Variants in PIAS4 observed in about 807,000 individuals in gnomAD.
The protein encoded by PIAS4 is E3 SUMO-protein ligase PIAS4.
PIAS4 carries 7 observed loss-of-function variants against 58.0 expected under a neutral mutation model. The observed-to-expected ratio is 0.12, with a 90% CI of 0.07 to 0.23. The LOEUF is 0.23. Ranked by LOEUF, PIAS4 falls within the 10% of genes least tolerant of loss-of-function variation. The pLI is 1.00. For synonymous variants in PIAS4, 364 were observed against 312.4 expected (o/e 1.17, Z -1.74); for missense variants, 550 against 709.5 (o/e 0.78, Z 2.55).
intron 7 of PIAS4, among the ~76,000 whole-genome samples, chr19:4,031,456 C>T (rs2040221814): frequency 6.6e-6 from 1 of 152,208 alleles, no homozygotes. Flanking sequence ...GACACTGAGG[C>T]ACAGAGTGGC....
intron 7 of PIAS4, among the ~76,000 whole-genome samples, chr19:4,029,321 A>G (rs2040199966): frequency 1.3e-5 from 2 of 152,106 alleles, no homozygotes. Flanking sequence ...GCAGCAGAAG[A>G]GCTGGAGCCT....
Position 4,013,457 on chromosome 19 carries a change from G to A in PIAS4, c.454+108G>A. 3 of 1,027,914 alleles carry A rather than the reference G, an allele frequency of 2.9e-6. No individual in the cohort carries two copies. Among genetic ancestry groups the A allele is most frequent in the Non-Finnish European group, 4.3e-6 (3 of 705,812 alleles). The allele number at this position is 1,027,914 out of a possible 1,614,324, so 63.7% of individuals were successfully genotyped here. A position where few individuals can be genotyped will look rare whatever the true frequency, so the allele number is the denominator to read the frequency against. Reference sequence around the variant, plus strand: ...TTCGAGTGATGTTCTCTGTGGCGCAGCCAGGGCGGGGAGCCACAGTGGCCA... The same window carrying A: ...TTCGAGTGATGTTCTCTGTGGCGCAACCAGGGCGGGGAGCCACAGTGGCCA... On this transcript the variant is annotated intron_variant, in intron 2 of 10. Transcript: ENST00000262971. This position sits in a 1 kb window ranked among gnomAD's most constrained non-coding sequence, Gnocchi z 5.1.
intron 2 of PIAS4, among the ~76,000 whole-genome samples, chr19:4,022,310 T>C (rs1027604008): frequency 6.6e-6 from 1 of 152,154 alleles, no homozygotes; most frequent in Non-Finnish European, 1.5e-5. Context: ...TGTCTTTTTG[T>C]TGTTCAGCTA....
At chr19:4,016,316 G>A (rs967828276) in intron 2 of PIAS4, among the ~76,000 whole-genome samples, 2 of 152,224 alleles carry the variant, frequency 1.3e-5, no homozygotes, top group African/African-American at 4.8e-5. Flanking sequence ...CGGGCACCCC[G>A]AGGAATCTGC....
chr19:4,034,829 G>T (rs2040258911), intron 9 of PIAS4, among the ~76,000 whole-genome samples: 1 of 152,146 alleles, frequency 6.6e-6, no homozygotes, highest in Non-Finnish European at 1.5e-5. Context: ...TGGAGGAGGG[G>T]TCCTTGGTTC....
In PIAS4 at chr19:4,033,094, C is replaced by A. The variant is rs759487716; in HGVS notation, c.908-6C>A. ...CCTGACGGTGTCTTCCGTTCCCTCCCCACAGTCAAGGAGAAGCTGCGCCTT... is the reference window on the plus strand; with the variant it reads ...CCTGACGGTGTCTTCCGTTCCCTCCACACAGTCAAGGAGAAGCTGCGCCTT... On this transcript the variant is annotated splice_region_variant and splice_polypyrimidine_tract_variant and intron_variant, in intron 7 of 10. Coordinates refer to ENST00000262971, the MANE Select transcript of PIAS4 (RefSeq NM_015897.4). 3.7e-6 allele frequency: 6 copies of A among 1,610,908 alleles called. No homozygotes were observed. The South Asian group carries it at 4.4e-5, about 12-fold the overall frequency.
At chr19:4,034,190 G>T (rs962702005) in intron 9 of PIAS4, among the ~76,000 whole-genome samples, 1 of 152,206 alleles carries the variant, frequency 6.6e-6, no homozygotes, top group African/African-American at 2.4e-5. Flanking sequence ...CGCCCACCTC[G>T]TCCCCAGAGC....
intron 1 of PIAS4, among the ~76,000 whole-genome samples, chr19:4,009,105 G>A (rs888137748): frequency 6.6e-6 from 1 of 152,024 alleles, no homozygotes; most frequent in Non-Finnish European, 1.5e-5. Context: ...TGCCCGCAAG[G>A]CCACGGCTTC....
At chr19:4,032,795 T>G (rs1357462944) in intron 7 of PIAS4, among the ~76,000 whole-genome samples, 1 of 152,140 alleles carries the variant, frequency 6.6e-6, no homozygotes, top group East Asian at 1.9e-4. Flanking sequence ...CTGTGTTGCA[T>G]GAAACTTGCC....
At chr19:4,023,276 C>G (rs549373045) in intron 2 of PIAS4, among the ~76,000 whole-genome samples, 5 of 151,766 alleles carry the variant, frequency 3.3e-5, no homozygotes, top group Admixed American at 1.3e-4. Context: ...GTCACGAGTT[C>G]GAAACCAGCC....
At chr19:4,029,847 G>C (rs1410938310) in intron 7 of PIAS4, among the ~76,000 whole-genome samples, 1 of 118,276 alleles carries the variant, frequency 8.5e-6, no homozygotes, top group Non-Finnish European at 1.7e-5. Context: ...TTTTGAGACA[G>C]AGTCTCACTC....
At chr19:4,020,268 C>T (rs1041725847) in intron 2 of PIAS4, among the ~76,000 whole-genome samples, 6 of 152,142 alleles carry the variant, frequency 3.9e-5, no homozygotes, top group Non-Finnish European at 7.4e-5. Flanking sequence ...AGTTGAGGTG[C>T]GATCCCATGG....
At chr19:4,011,494 C>T (rs1476408497) in intron 1 of PIAS4, among the ~76,000 whole-genome samples, 1 of 152,278 alleles carries the variant, frequency 6.6e-6, no homozygotes, top group African/African-American at 2.4e-5. Flanking sequence ...TTTTATTTCG[C>T]TGGAGAGGCC....
chr19:4,038,130 G>T lies in PIAS4; in HGVS notation c.*255G>T, dbSNP rs2040322251. 1 of 458,600 alleles carries T rather than the reference G, an allele frequency of 2.2e-6. No individual in the cohort carries two copies. Among genetic ancestry groups the T allele is most frequent in the African/African-American group, 2.1e-5 (1 of 47,898 alleles). The allele number at this position is 458,600 out of a possible 1,614,324, so 28.4% of individuals were successfully genotyped here. On this transcript the variant is annotated 3_prime_UTR_variant, in exon 11 of 11. Coordinates refer to ENST00000262971, the MANE Select transcript of PIAS4 (RefSeq NM_015897.4). The surrounding 1 kb of genome is among the most constrained non-coding windows in gnomAD (Gnocchi z 4.1). The stretch of plus-strand genomic sequence containing the variant: ...AAGTCAAACTCTTAAAAACAAGGCC[G>T]GCCACCCACACAGCCGCCTCCCCGG...
rs1568223171 is a variant in PIAS4, at chr19:4,037,278, G to A, written c.1143-96G>A. 3 of 1,449,994 alleles carry A rather than the reference G, an allele frequency of 2.1e-6. No homozygotes were observed. The highest frequency in any genetic ancestry group is 2.6e-5 in the South Asian group (2 of 76,814). The allele number at this position is 1,449,994 out of a possible 1,614,324, so 89.8% of individuals were successfully genotyped here. A position where few individuals can be genotyped will look rare whatever the true frequency, so the allele number is the denominator to read the frequency against. On this transcript the variant is annotated intron_variant, in intron 9 of 10. Transcript: ENST00000262971. The surrounding 1 kb of genome is among the most constrained non-coding windows in gnomAD (Gnocchi z 5.8). Reference sequence around the variant, plus strand: ...GAGGCTGCTCTTGCAGAGAGAAGTGGGGAGTGCCTGGCTGCATCCGGGAGG... The same window carrying A: ...GAGGCTGCTCTTGCAGAGAGAAGTGAGGAGTGCCTGGCTGCATCCGGGAGG...
chr19:4,013,887 C>T lies in PIAS4; in HGVS notation c.454+538C>T, dbSNP rs891347655. Among the ~76,000 whole-genome samples, 1 of 152,164 alleles carries T rather than the reference C, an allele frequency of 6.6e-6. No homozygotes were observed. The highest frequency in any genetic ancestry group is 1.5e-5 in the Non-Finnish European group (1 of 68,028). ...AGCTGGAGCCCTTTTTATAACCCAACCTCGGACACGCCTCGCCATCTCCCC... is the reference window on the plus strand; with the variant it reads ...AGCTGGAGCCCTTTTTATAACCCAATCTCGGACACGCCTCGCCATCTCCCC... On this transcript the variant is annotated intron_variant, in intron 2 of 10. Coordinates refer to ENST00000262971, the MANE Select transcript of PIAS4 (RefSeq NM_015897.4). The surrounding 1 kb of genome is among the most constrained non-coding windows in gnomAD (Gnocchi z 5.1).
At chr19:4,012,821 A>T in intron 1 of PIAS4, 102 bp from the exon 2 acceptor site, 2 of 1,292,780 alleles carry the variant, frequency 1.5e-6, no homozygotes, top group South Asian at 1.4e-5. Flanking sequence ...CTTCCTGGCG[A>T]GTGGGTGTCT....
chr19:4,033,997 C>G (rs2040250869), intron 9 of PIAS4, among the ~76,000 whole-genome samples: 1 of 137,378 alleles, frequency 7.3e-6, no homozygotes, highest in South Asian at 2.1e-4. Flanking sequence ...CTGGAGCACT[C>G]TGGCTACGCC....
intron 1 of PIAS4, among the ~76,000 whole-genome samples, chr19:4,011,153 ACC>A (rs2039988985): frequency 1.3e-5 from 2 of 152,088 alleles, no homozygotes; most frequent in Non-Finnish European, 2.9e-5. Context: ...TCTGGCTTCG[ACC>A]CTCAGGGTCT....
Sources: allele counts gnomAD v4.1 joint callset (sites outside exome capture counted in the v4.1 genomes callset), GRCh38; gene constraint gnomAD v4.1.1; non-coding constraint Gnocchi (gnomAD v3.1); transcripts MANE v1.5; gene names NCBI Gene and HGNC (gene_info 2026-07-23, HGNC 2026-07-21).